The following ARL15 variants were observed in gnomAD, a reference collection of about 807,000 sequenced individuals.
ARL15 encodes the protein ADP-ribosylation factor-like protein 15.
In ARL15, 19 loss-of-function variants were observed where a neutral mutation model predicts 25.2. The observed-to-expected ratio is 0.75, with a 90% CI of 0.53 to 1.10. The LOEUF (loss-of-function observed/expected upper bound fraction) is 1.10, where lower values mean the gene tolerates loss of function less well. Ranked by LOEUF, ARL15 falls within the 50% of genes least tolerant of loss-of-function variation. ARL15 has a pLI of 0.00. For missense variants in ARL15, 220 were observed against 246.0 expected, an observed-to-expected ratio of 0.89 and a Z score of 0.71; for synonymous variants, 94 against 86.8, an observed-to-expected ratio of 1.08 and a Z score of -0.46.
At chr5:54,017,961 GAAT>G (rs1410073695) in intron 4 of ARL15, among the ~76,000 whole-genome samples, 1 of 151,760 alleles carries the variant, frequency 6.6e-6, no homozygotes, top group Non-Finnish European at 1.5e-5. Context: ...AGGATTTGAA[GAAT>G]AATTCTAAAA....
At chr5:54,275,258 T>A (rs1425581628) in intron 1 of ARL15, among the ~76,000 whole-genome samples, 4 of 152,206 alleles carry the variant, frequency 2.6e-5, no homozygotes, top group Admixed American at 2.6e-4. Context: ...CAGATCAAAC[T>A]GCCTTAGCTC....
At chr5:53,925,748 C>T (rs1745997946) in intron 4 of ARL15, among the ~76,000 whole-genome samples, 1 of 152,080 alleles carries the variant, frequency 6.6e-6, no homozygotes, top group Non-Finnish European at 1.5e-5. Flanking sequence ...TTCGAGGTTG[C>T]AGTGAGCACC....
intron 4 of ARL15, among the ~76,000 whole-genome samples, chr5:53,958,228 T>C (rs1747234572): frequency 6.6e-6 from 1 of 151,224 alleles, no homozygotes; most frequent in Non-Finnish European, 1.5e-5. Flanking sequence ...AACATTTAAA[T>C]AATTTTAAAC....
At chr5:54,096,660 CT>C (rs1280129792) in intron 4 of ARL15, among the ~76,000 whole-genome samples, 1 of 152,208 alleles carries the variant, frequency 6.6e-6, no homozygotes, top group African/African-American at 2.4e-5. Flanking sequence ...ATTCATCCAC[CT>C]TGGCCTCCCA....
At chr5:54,275,317 T>C (rs11743476) in intron 1 of ARL15, among the ~76,000 whole-genome samples, 85,460 of 152,104 alleles carry the variant, frequency 0.56, 25,668 homozygotes, top group Non-Finnish European at 0.68. Context: ...CCATTCTATA[T>C]GCCCCCTTAG....
intron 1 of ARL15, among the ~76,000 whole-genome samples, chr5:54,284,631 C>T (rs1322553503): frequency 6.6e-6 from 1 of 152,228 alleles, no homozygotes; most frequent in Non-Finnish European, 1.5e-5. Context: ...TTTTCATATT[C>T]TCAAAATGTA....
At chr5:54,252,142 C>T (rs943789295) in intron 1 of ARL15, among the ~76,000 whole-genome samples, 10 of 152,194 alleles carry the variant, frequency 6.6e-5, no homozygotes, top group African/African-American at 2.4e-4. Flanking sequence ...TGTGAGTCAT[C>T]AGGCAGACAA....
intron 1 of ARL15, among the ~76,000 whole-genome samples, chr5:54,186,216 A>T (rs1253316170): frequency 1.3e-5 from 2 of 152,224 alleles, no homozygotes; most frequent in Non-Finnish European, 2.9e-5. Flanking sequence ...TTAACTGCTG[A>T]CAAAGACAAA....
intron 4 of ARL15, among the ~76,000 whole-genome samples, chr5:53,897,524 T>C (rs1340908731): frequency 3.9e-5 from 6 of 152,234 alleles, no homozygotes; most frequent in Non-Finnish European, 7.3e-5. Flanking sequence ...TTATAAATAA[T>C]GCTGCTTTTT....
chr5:54,104,952 C>G, intron 4 of ARL15, among the ~76,000 whole-genome samples: 1 of 151,884 alleles, frequency 6.6e-6, no homozygotes. Flanking sequence ...ATCCTTAGTT[C>G]TGGATAAAAT....
intron 1 of ARL15, among the ~76,000 whole-genome samples, chr5:54,297,538 G>A (rs757170579): frequency 1.3e-5 from 2 of 152,228 alleles, no homozygotes; most frequent in Non-Finnish European, 2.9e-5. Context: ...TGCATTGTCA[G>A]TAAAGCTAAA....
intron 4 of ARL15, among the ~76,000 whole-genome samples, chr5:54,108,576 T>C (rs771411682): frequency 3.2e-4 from 48 of 152,144 alleles, no homozygotes; most frequent in Non-Finnish European, 5.7e-4. Context: ...CTGCTTTGCA[T>C]TTTTTAATAA....
intron 4 of ARL15, among the ~76,000 whole-genome samples, chr5:54,077,363 C>A (rs773032747): frequency 8.5e-5 from 13 of 152,126 alleles, no homozygotes; most frequent in Non-Finnish European, 1.8e-4. Flanking sequence ...TTAGACAGTT[C>A]ATTAAACTTT....
At chr5:54,079,238 C>T (rs953399141) in intron 4 of ARL15, among the ~76,000 whole-genome samples, 3 of 152,050 alleles carry the variant, frequency 2.0e-5, no homozygotes, top group Admixed American at 6.6e-5. Context: ...GCTATGATTT[C>T]GCTGGATAAT....
At chr5:54,058,207 T>C (rs1355781957) in intron 4 of ARL15, among the ~76,000 whole-genome samples, 2 of 152,024 alleles carry the variant, frequency 1.3e-5, no homozygotes, top group African/African-American at 2.4e-5. Context: ...GGTTTCACCA[T>C]GTTGCCCGGG....
intron 1 of ARL15, among the ~76,000 whole-genome samples, chr5:54,200,689 C>T (rs1282987606): frequency 6.6e-6 from 1 of 152,150 alleles, no homozygotes; most frequent in African/African-American, 2.4e-5. Context: ...TCCTCACATT[C>T]ATGGTATGAC....
intron 4 of ARL15, among the ~76,000 whole-genome samples, chr5:54,008,559 G>A (rs1749124098): frequency 6.6e-6 from 1 of 152,176 alleles, no homozygotes; most frequent in Non-Finnish European, 1.5e-5. Context: ...ACTAACCAGG[G>A]TTTTCTCTTT....
intron 1 of ARL15, among the ~76,000 whole-genome samples, chr5:54,255,858 T>A (rs928261035): frequency 2.0e-5 from 3 of 152,204 alleles, no homozygotes; most frequent in African/African-American, 7.2e-5. Context: ...TTTAAAATTC[T>A]TCAAGATGAA....
chr5:54,260,568 A>G (rs1172561288), intron 1 of ARL15, among the ~76,000 whole-genome samples: 5 of 152,200 alleles, frequency 3.3e-5, no homozygotes, highest in Admixed American at 2.0e-4. Flanking sequence ...CCAAGAGACC[A>G]CAGGGTTCTA....
Sources: gnomAD v4.1 joint callset for allele counts (sites outside exome capture counted in the v4.1 genomes callset) on GRCh38, gnomAD v4.1.1 for gene constraint, MANE v1.5 for transcripts, NCBI Gene and HGNC (gene_info 2026-07-23, HGNC 2026-07-21) for gene names.